IL1RAPL1: variants seen among roughly 807,000 people sequenced by gnomAD.
IL1RAPL1 encodes interleukin-1 receptor accessory protein-like 1.
In IL1RAPL1, 3 loss-of-function variants were observed where a neutral mutation model predicts 48.4. The ratio of observed to expected loss-of-function variants is 0.06; its 90% CI spans 0.03 to 0.16. The LOEUF (loss-of-function observed/expected upper bound fraction) is 0.16. Among genes scored for constraint, IL1RAPL1 ranks in the 10% least tolerant of loss-of-function variants. IL1RAPL1 has a pLI of 1.00. For missense variants in IL1RAPL1, 349 were observed against 530.6 expected, an observed-to-expected ratio of 0.66 and a Z score of 3.36; for synonymous variants, 185 against 187.7, an observed-to-expected ratio of 0.99 and a Z score of 0.12.
At chrX:29,879,563 T>C (rs1931984637) in intron 6 of IL1RAPL1, among the ~76,000 whole-genome samples, 2 of 109,698 alleles carry the variant, frequency 1.8e-5, no homozygotes, top group Non-Finnish European at 3.8e-5. Context: ...TCTATAAGCA[T>C]AGAGAAAAAG....
chrX:29,514,893 T>G (rs1251354244), intron 5 of IL1RAPL1, among the ~76,000 whole-genome samples: 3 of 112,842 alleles, frequency 2.7e-5, no homozygotes, highest in African/African-American at 9.6e-5. Flanking sequence ...TAACTGAACT[T>G]CTTTAATGCC....
At chrX:29,779,108 A>C (rs1318208191) in intron 6 of IL1RAPL1, among the ~76,000 whole-genome samples, 2 of 112,066 alleles carry the variant, frequency 1.8e-5, no homozygotes, top group Non-Finnish European at 3.8e-5. Flanking sequence ...ATTTGTTTGA[A>C]AACAGCCATG....
intron 9 of IL1RAPL1, among the ~76,000 whole-genome samples, chrX:29,953,684 C>A: frequency 9.0e-6 from 1 of 111,493 alleles, no homozygotes; most frequent in Non-Finnish European, 1.9e-5. Flanking sequence ...TTCTCCATCC[C>A]AATATGCAAG....
intron 5 of IL1RAPL1, among the ~76,000 whole-genome samples, chrX:29,550,603 T>C (rs1009208310): frequency 8.9e-6 from 1 of 111,929 alleles, no homozygotes; most frequent in East Asian, 2.8e-4. Flanking sequence ...TTAAAAATCC[T>C]TAACTTTTTT....
At chrX:29,066,932 G>C (rs1427527665) in intron 2 of IL1RAPL1, among the ~76,000 whole-genome samples, 2 of 111,511 alleles carry the variant, frequency 1.8e-5, no homozygotes, top group African/African-American at 6.5e-5. Context: ...GGCCACACCT[G>C]TCCAGATTGG....
intron 1 of IL1RAPL1, among the ~76,000 whole-genome samples, chrX:28,651,706 T>G (rs918019238): frequency 1.8e-5 from 2 of 112,626 alleles, no homozygotes; most frequent in Non-Finnish European, 3.7e-5. Flanking sequence ...TCTTTCAATC[T>G]GCCTTCACCT....
chrX:28,933,938 G>A (rs777028160), intron 2 of IL1RAPL1, among the ~76,000 whole-genome samples: 1 of 111,661 alleles, frequency 9.0e-6, no homozygotes, highest in East Asian at 2.8e-4. Flanking sequence ...GCATGCTAAT[G>A]CATAATAATT....
chrX:29,851,640 C>T (rs1043158662), intron 6 of IL1RAPL1, among the ~76,000 whole-genome samples: 4 of 111,467 alleles, frequency 3.6e-5, no homozygotes, highest in African/African-American at 1.3e-4. Context: ...GAGTTCACTT[C>T]CTTCGTTTCT....
At chrX:29,717,203 T>TACACACACACACAC (rs61417683) in intron 6 of IL1RAPL1, among the ~76,000 whole-genome samples, 1,907 of 95,496 alleles carry the variant, frequency 0.02, 22 homozygotes, top group East Asian at 0.038. Context: ...AGAGCCAGAT[T>TACACACACACACAC]ACACACACAC....
At position 29,822,135 on chromosome X, in the gene IL1RAPL1, G is replaced by GT. The variant is rs1362881880; in HGVS notation, c.779-95319dup. Among the ~76,000 whole-genome samples, 336 of 108,073 alleles carry GT rather than the reference G, an allele frequency of 3.1e-3. 3 individuals carry two copies. The highest frequency in any genetic ancestry group is 0.01 in the African/African-American group (305 of 29,924). 93.8% of individuals were successfully genotyped at this position (108,073 alleles called of 115,157 possible). On this transcript the variant is annotated intron_variant, in intron 6 of 10. Transcript: ENST00000378993. The stretch of plus-strand genomic sequence containing the variant: ...AATAACAATCTGGATACTTAATCTA[G>GT]TTTTTTTTTTAAATTTCAATCAGTT...
intron 3 of IL1RAPL1, among the ~76,000 whole-genome samples, chrX:29,284,361 A>G (rs1049956081): frequency 2.7e-5 from 3 of 112,648 alleles, no homozygotes; most frequent in Non-Finnish European, 5.6e-5. Context: ...CTAGCAACAT[A>G]TATTATGTTA....
At chrX:29,320,735 C>T (rs915612426) in intron 3 of IL1RAPL1, among the ~76,000 whole-genome samples, 3 of 109,570 alleles carry the variant, frequency 2.7e-5, no homozygotes, top group African/African-American at 1.0e-4. Context: ...CGCTGCACTC[C>T]AGCCTGGACA....
intron 1 of IL1RAPL1, among the ~76,000 whole-genome samples, chrX:28,737,046 C>CCTTTTCTTTTCTTTT (rs146038961): frequency 1.1e-5 from 1 of 94,335 alleles, no homozygotes; most frequent in South Asian, 5.2e-4. Flanking sequence ...CTGAATATTT[C>CCTTTTCTTTTCTTTT]CTTTTCTTTT....
At chrX:29,441,673 T>C (rs189237519) in intron 5 of IL1RAPL1, among the ~76,000 whole-genome samples, 2 of 111,945 alleles carry the variant, frequency 1.8e-5, no homozygotes, top group Non-Finnish European at 1.9e-5. Flanking sequence ...TGCTTACTTA[T>C]ATCCGTAAAA....
chrX:29,732,238 C>A (rs1369400286), intron 6 of IL1RAPL1, among the ~76,000 whole-genome samples: 1 of 111,721 alleles, frequency 9.0e-6, no homozygotes, highest in Non-Finnish European at 1.9e-5. Context: ...TTGGAAATAA[C>A]GTGTAAGAGG....
At chrX:29,376,262 T>A (rs1223606038) in intron 3 of IL1RAPL1, among the ~76,000 whole-genome samples, 1 of 112,030 alleles carries the variant, frequency 8.9e-6, no homozygotes, top group Non-Finnish European at 1.9e-5. Flanking sequence ...TTTGATAAGA[T>A]ATATCCCGAT....
chrX:29,034,565 T>C (rs1370560602), intron 2 of IL1RAPL1, among the ~76,000 whole-genome samples: 1 of 112,147 alleles, frequency 8.9e-6, no homozygotes, highest in Admixed American at 9.5e-5. Context: ...ATCAAGTGCT[T>C]TCAATAGACT....
intron 6 of IL1RAPL1, among the ~76,000 whole-genome samples, chrX:29,813,237 A>T (rs1360859704): frequency 1.8e-5 from 2 of 111,735 alleles, no homozygotes; most frequent in Non-Finnish European, 3.8e-5. Flanking sequence ...GAAAAATTAG[A>T]ATTAGGCTTA....
intron 5 of IL1RAPL1, among the ~76,000 whole-genome samples, chrX:29,513,846 A>C (rs1276931339): frequency 8.9e-6 from 1 of 112,135 alleles, no homozygotes; most frequent in African/African-American, 3.2e-5. Context: ...CAATTAATGT[A>C]ATACATTTTT....
Sources: gnomAD v4.1 joint callset for allele counts (sites outside exome capture counted in the v4.1 genomes callset) on GRCh38, gnomAD v4.1.1 for gene constraint, MANE v1.5 for transcripts, NCBI Gene and HGNC (gene_info 2026-07-23, HGNC 2026-07-21) for gene names.